OR2L13: variants seen among roughly 807,000 people sequenced by gnomAD.
OR2L13 encodes olfactory receptor 2L13.
OR2L13 carries 14 observed loss-of-function variants against 15.3 expected under a neutral mutation model. The ratio of observed to expected loss-of-function variants is 0.91; its 90% CI spans 0.60 to 1.43. The LOEUF is 1.43. Ranked by LOEUF, OR2L13 falls within the 40% of genes most tolerant of loss-of-function variation. The pLI is 0.00. For missense variants in OR2L13, 367 were observed against 387.9 expected, an observed-to-expected ratio of 0.95 and a Z score of 0.45; for synonymous variants, 152 against 142.9, an observed-to-expected ratio of 1.06 and a Z score of -0.45.
chr1:247,978,339 G>A, the OR2L13 span, among the ~76,000 whole-genome samples: 4 of 151,980 alleles, frequency 2.6e-5, no homozygotes, highest in South Asian at 2.1e-4. Context: ...AATTGAACCC[G>A]TGGGCGTGTA....
the OR2L13 span, chr1:247,974,974 C>T: frequency 3.2e-6 from 1 of 309,428 alleles, no homozygotes; most frequent in Non-Finnish European, 6.6e-6. Context: ...ACTATTGTCC[C>T]CAGATGTTTT....
the OR2L13 span, among the ~76,000 whole-genome samples, chr1:248,017,939 C>G: frequency 4.1e-4 from 62 of 152,022 alleles, 1 homozygote; most frequent in Middle Eastern, 3.4e-3. Flanking sequence ...ACATTCGTAT[C>G]GAGACCATCC....
At chr1:248,052,499 C>A in the OR2L13 span, among the ~76,000 whole-genome samples, 253 of 152,098 alleles carry the variant, frequency 1.7e-3, 2 homozygotes, top group East Asian at 6.0e-3. Context: ...GAGGCCGAGC[C>A]GGGCAGATCA....
chr1:248,003,238 G>A, the OR2L13 span: 2 of 1,549,274 alleles, frequency 1.3e-6, no homozygotes, highest in Non-Finnish European at 1.8e-6. Context: ...TTTTCCTAAT[G>A]GCTCTAATTG....
the OR2L13 span, among the ~76,000 whole-genome samples, chr1:247,977,353 T>C: frequency 5.3e-5 from 8 of 152,224 alleles, no homozygotes; most frequent in African/African-American, 1.9e-4. Context: ...ATGAAATCTT[T>C]TCTATATTAA....
chr1:247,937,332 T>C, the OR2L13 span: 1 of 154,216 alleles, frequency 6.5e-6, no homozygotes, highest in Non-Finnish European at 1.5e-5. Flanking sequence ...GGCTCTGCTC[T>C]ACACACTGGT....
chr1:248,070,415 C>A, the OR2L13 span, among the ~76,000 whole-genome samples: 2 of 152,142 alleles, frequency 1.3e-5, no homozygotes, highest in Non-Finnish European at 2.9e-5. Flanking sequence ...TAAAGATGTT[C>A]TTTGAAAACA....
At chr1:247,961,874 G>A in the OR2L13 span, among the ~76,000 whole-genome samples, 5 of 152,192 alleles carry the variant, frequency 3.3e-5, no homozygotes, top group African/African-American at 1.2e-4. Context: ...TGATTCTCGT[G>A]TGTTTCTGAA....
chr1:248,072,063 T>C, the OR2L13 span, among the ~76,000 whole-genome samples: 1 of 151,468 alleles, frequency 6.6e-6, no homozygotes, highest in African/African-American at 2.4e-5. Flanking sequence ...CAAGGTAATT[T>C]ACAGATTCAA....
At chr1:248,065,336 A>G in the OR2L13 span, among the ~76,000 whole-genome samples, 3 of 152,040 alleles carry the variant, frequency 2.0e-5, no homozygotes, top group African/African-American at 7.2e-5. Flanking sequence ...GAAATTTCTT[A>G]AGTATTAAAT....
chr1:247,982,283 T>C, the OR2L13 span, among the ~76,000 whole-genome samples: 2 of 152,220 alleles, frequency 1.3e-5, no homozygotes, highest in Admixed American at 1.3e-4. Context: ...TTCCCAAGTC[T>C]ATCACTAGGT....
the OR2L13 span, among the ~76,000 whole-genome samples, chr1:247,959,676 A>G: frequency 6.6e-6 from 1 of 151,894 alleles, no homozygotes; most frequent in South Asian, 2.1e-4. Context: ...TTCTCTTCTC[A>G]CTTCATTTCA....
At chr1:247,988,628 C>T in the OR2L13 span, among the ~76,000 whole-genome samples, 27 of 151,680 alleles carry the variant, frequency 1.8e-4, no homozygotes, top group African/African-American at 6.3e-4. Flanking sequence ...TGTTACACTT[C>T]CTCAAAGGTC....
At chr1:247,956,670 A>G in the OR2L13 span, among the ~76,000 whole-genome samples, 1 of 151,536 alleles carries the variant, frequency 6.6e-6, no homozygotes, top group African/African-American at 2.4e-5. Context: ...GTCCCTTCTA[A>G]GTTGGATTCC....
At chr1:247,944,162 A>G in the OR2L13 span, among the ~76,000 whole-genome samples, 4 of 152,050 alleles carry the variant, frequency 2.6e-5, no homozygotes, top group Non-Finnish European at 4.4e-5. Flanking sequence ...TTTTTTGAAT[A>G]TTGAGGATCC....
At chr1:248,074,009 C>A in the OR2L13 span, among the ~76,000 whole-genome samples, 1 of 151,884 alleles carries the variant, frequency 6.6e-6, no homozygotes, top group African/African-American at 2.4e-5. Flanking sequence ...AAAATTAAAT[C>A]TCTGTTCTGT....
the OR2L13 span, among the ~76,000 whole-genome samples, chr1:248,078,278 C>A: frequency 6.6e-6 from 1 of 151,924 alleles, no homozygotes; most frequent in Non-Finnish European, 1.5e-5. Context: ...GTCAGGAGAT[C>A]GAAATCATCC....
the OR2L13 span, among the ~76,000 whole-genome samples, chr1:248,001,606 A>C: frequency 6.6e-6 from 1 of 151,974 alleles, no homozygotes. Context: ...AAAAGAATAA[A>C]ATTTCTTATA....
the OR2L13 span, chr1:248,042,256 C>T: frequency 2.7e-5 from 4 of 149,288 alleles, no homozygotes; most frequent in Non-Finnish European, 5.9e-5. Flanking sequence ...ATCACAAGAA[C>T]AAAAAACCAA....
Sources: allele counts gnomAD v4.1 joint callset (sites outside exome capture counted in the v4.1 genomes callset), GRCh38; gene constraint gnomAD v4.1.1; transcripts MANE v1.5; gene names NCBI Gene and HGNC (gene_info 2026-07-23, HGNC 2026-07-21).